Variants in SIPA1L3 observed in about 807,000 individuals in gnomAD.
SIPA1L3 encodes the protein signal-induced proliferation-associated 1-like protein 3.
Under a neutral mutation model 150.1 loss-of-function variants are expected in SIPA1L3, and 59 were observed. The observed-to-expected ratio is 0.39, with a 90% CI of 0.32 to 0.49. The LOEUF is 0.49. Among genes scored for constraint, SIPA1L3 ranks in the 20% least tolerant of loss-of-function variants. The pLI is 0.86. For synonymous variants in SIPA1L3, 1,070 were observed against 1,077.6 expected (o/e 0.99, Z 0.14); for missense variants, 2,211 against 2,489.5 (o/e 0.89, Z 2.38).
chr19:38,193,599 G>A lies in SIPA1L3; in HGVS notation c.4659G>A (p.Arg1553=), dbSNP rs756198961. The change falls in exon 18 of 22, where the codon CGG becomes CGA. Residue 1553 remains arginine (R), a synonymous_variant. Coordinates refer to ENST00000222345, the MANE Select transcript of SIPA1L3 (RefSeq NM_015073.3). Reference sequence around the variant, plus strand: ...ACGAGAGCCTGTGCAGCGGGCGCCGGGAGCCCAGCTTCGCCAGCCCCGCTG... The same window carrying A: ...ACGAGAGCCTGTGCAGCGGGCGCCGAGAGCCCAGCTTCGCCAGCCCCGCTG... ...LSDESLCSGR[R]EPSFASPAGL... The A allele has an allele frequency of 1.2e-5, 19 of 1,563,542 alleles. No homozygotes were observed. Among genetic ancestry groups the A allele is most frequent in the Non-Finnish European group, 1.2e-5 (14 of 1,164,898 alleles).
At chr19:38,199,399 C>T (rs757755335) in intron 19 of SIPA1L3, among the ~76,000 whole-genome samples, 35 of 152,276 alleles carry the variant, frequency 2.3e-4, no homozygotes, top group Non-Finnish European at 4.7e-4. Flanking sequence ...AACCGTGGGC[C>T]ACAGGAAAGG....
chr19:38,121,442 A>G (rs1971015548), intron 9 of SIPA1L3, among the ~76,000 whole-genome samples: 1 of 150,698 alleles, frequency 6.6e-6, no homozygotes, highest in Non-Finnish European at 1.5e-5. Flanking sequence ...TGTCTCAAAA[A>G]ATAAAAATAA....
Position 38,207,672 on chromosome 19 carries a change from A to C in SIPA1L3, c.*1432A>C, listed in dbSNP as rs1973251396. 1.3e-5 allele frequency: 2 copies of C among 152,094 alleles called. No homozygotes were observed. Among genetic ancestry groups the C allele is most frequent in the Non-Finnish European group, 2.9e-5 (2 of 68,058 alleles). The allele number at this position is 152,094 out of a possible 1,614,324, so 9.4% of individuals were successfully genotyped here. A position where few individuals can be genotyped will look rare whatever the true frequency, so the allele number is the denominator to read the frequency against. On this transcript the variant is annotated 3_prime_UTR_variant, in exon 22 of 22. Transcript: ENST00000222345. ...GTCTGGCTGTGAGCCAGCACCAGGC[A>C]ACCCGGCCCTTGTCCAGGGACCTCT...
At chr19:37,956,412 A>G (rs759837491) in intron 1 of SIPA1L3, among the ~76,000 whole-genome samples, 11 of 150,162 alleles carry the variant, frequency 7.3e-5, no homozygotes, top group Middle Eastern at 3.4e-3. Context: ...CTCATCAGAT[A>G]TGTAGTTTGC....
chr19:38,055,595 C>T (rs1399913860), intron 2 of SIPA1L3, among the ~76,000 whole-genome samples: 1 of 152,202 alleles, frequency 6.6e-6, no homozygotes, highest in Non-Finnish European at 1.5e-5. Flanking sequence ...GATTAGTATC[C>T]TGCCACCCCA....
intron 1 of SIPA1L3, among the ~76,000 whole-genome samples, chr19:37,982,868 CT>C (rs756567488): frequency 9.8e-5 from 15 of 152,326 alleles, no homozygotes; most frequent in East Asian, 1.9e-4. Flanking sequence ...GCAGGGGCAT[CT>C]TTGTCCACCC....
chr19:37,924,807 C>T (rs2046488088), intron 1 of SIPA1L3, among the ~76,000 whole-genome samples: 2 of 151,824 alleles, frequency 1.3e-5, no homozygotes, highest in African/African-American at 2.4e-5. Flanking sequence ...CCAGCACTTT[C>T]GGAGCCTGAA....
At chr19:38,083,718 C>T (rs927740012) in intron 3 of SIPA1L3, among the ~76,000 whole-genome samples, 12 of 152,128 alleles carry the variant, frequency 7.9e-5, no homozygotes, top group African/African-American at 2.7e-4. Flanking sequence ...CTGCCCGGCG[C>T]AGTGGCTCAC....
In SIPA1L3 at chr19:38,164,593, G is replaced by A. The variant is rs1242320177; in HGVS notation, c.3895G>A (p.Asp1299Asn). Residue 1299 changes from aspartate to asparagine, a missense_variant, in exon 15 of 22, where the codon GAC becomes AAC. Coordinates refer to ENST00000222345, the MANE Select transcript of SIPA1L3 (RefSeq NM_015073.3). The surrounding 1 kb of genome is among the most constrained non-coding windows in gnomAD (Gnocchi z 4.1). ...CCTGGACCCCCTGGAGCCAGAGCAA[G>A]ACCCCCTCTCCAAGGGTGGCTCTAG... ...DPLDPLEPEQ[D>N]PLSKGGSSDS... 2 of 1,614,000 alleles carry A rather than the reference G, an allele frequency of 1.2e-6. No individual in the cohort carries two copies. The highest frequency in any genetic ancestry group is 1.7e-6 in the Non-Finnish European group (2 of 1,180,026).
At chr19:38,193,256 G>A (rs2146046360) in intron 17 of SIPA1L3, among the ~76,000 whole-genome samples, 1 of 151,914 alleles carries the variant, frequency 6.6e-6, no homozygotes, top group African/African-American at 2.4e-5. Flanking sequence ...AGCTGAGATA[G>A]GAGGATCGCT....
intron 1 of SIPA1L3, among the ~76,000 whole-genome samples, chr19:38,012,628 C>T (rs554768315): frequency 7.2e-5 from 11 of 152,138 alleles, no homozygotes; most frequent in Non-Finnish European, 1.3e-4. Context: ...CCCCCGTCTT[C>T]TCCAGAGCTG....
At position 37,937,741 on chromosome 19, in the gene SIPA1L3, C is replaced by CAAAAAAAAAAAAAAA. The variant is rs34881450; in HGVS notation, c.-379+30392_-379+30406dup. The stretch of plus-strand genomic sequence containing the variant: ...AGGGCGACAGAGTGAAACCCTGTCT[C>CAAAAAAAAAAAAAAA]AAAAAAAAAAAAAAAAAAAAAAAGA... On this transcript the variant is annotated intron_variant, in intron 1 of 21. Coordinates refer to ENST00000222345, the MANE Select transcript of SIPA1L3 (RefSeq NM_015073.3). Among the ~76,000 whole-genome samples, 29 of 18,672 alleles carry CAAAAAAAAAAAAAAA rather than the reference C, an allele frequency of 1.6e-3. 5 individuals carry two copies. The East Asian group carries it at 0.017, about 11-fold the overall frequency. 12.2% of individuals were successfully genotyped at this position (18,672 alleles called of 152,430 possible).
chr19:38,057,553 C>T (rs1056655945), intron 2 of SIPA1L3, among the ~76,000 whole-genome samples: 3 of 151,474 alleles, frequency 2.0e-5, no homozygotes, highest in African/African-American at 4.9e-5. Flanking sequence ...GGTTTTTTGC[C>T]TGTTATAAAG....
chr19:38,061,548 G>A (rs1259120612), intron 2 of SIPA1L3, among the ~76,000 whole-genome samples: 1 of 152,064 alleles, frequency 6.6e-6, no homozygotes, highest in African/African-American at 2.4e-5. Flanking sequence ...CCAGAAATGT[G>A]CAGGGCCCTG....
chr19:38,170,209 C>T (rs530559303), intron 15 of SIPA1L3, among the ~76,000 whole-genome samples: 9 of 152,298 alleles, frequency 5.9e-5, no homozygotes, highest in Middle Eastern at 6.8e-3. Flanking sequence ...GAGAATGAGA[C>T]GGACTCCCAC....
At chr19:38,169,547 A>G (rs1440876890) in intron 15 of SIPA1L3, among the ~76,000 whole-genome samples, 2 of 152,178 alleles carry the variant, frequency 1.3e-5, no homozygotes, top group Non-Finnish European at 2.9e-5. Context: ...GGGATAAACC[A>G]CATACCTACA....
Position 38,152,946 on chromosome 19 carries a change from A to G in SIPA1L3, c.3640A>G (p.Thr1214Ala), listed in dbSNP as rs140329225. ...CGGCGGCCTGACCAGCCAGGAGAGC[A>G]CCATGGAACGCCAGAAGCCAGGTAG... is the stretch of plus-strand genomic sequence containing the variant. ...SSGGLTSQES[T>A]MERQKPEPLW... Residue 1214 changes from threonine to alanine, a missense_variant, in exon 13 of 22, where the codon ACC becomes GCC. This residue lies in a region of SIPA1L3 where 806 missense variants were observed against 870.1 expected (regional missense o/e 0.93). Transcript: ENST00000222345. 3.7e-6 allele frequency: 6 copies of G among 1,612,976 alleles called. No homozygotes were observed. In the African/African-American group the frequency reaches 4.0e-5, roughly 11 times the overall value.
chr19:38,136,740 A>C (rs1055579687), intron 10 of SIPA1L3, among the ~76,000 whole-genome samples: 1 of 152,286 alleles, frequency 6.6e-6, no homozygotes, highest in Admixed American at 6.5e-5. Context: ...GTAATCTGGG[A>C]TGGGGCCCAG....
chr19:38,122,346 C>G (rs1971040772), intron 9 of SIPA1L3, among the ~76,000 whole-genome samples: 1 of 152,230 alleles, frequency 6.6e-6, no homozygotes, highest in African/African-American at 2.4e-5. Flanking sequence ...CTCCATCCCT[C>G]CATTTGCGGA....
Sources: allele counts gnomAD v4.1 joint callset (sites outside exome capture counted in the v4.1 genomes callset), GRCh38; gene constraint gnomAD v4.1.1; regional missense constraint gnomAD v4.1.1; non-coding constraint Gnocchi (gnomAD v3.1); transcripts MANE v1.5; gene names NCBI Gene and HGNC (gene_info 2026-07-23, HGNC 2026-07-21).